DGKB: variants seen among roughly 807,000 people sequenced by gnomAD.
DGKB encodes diacylglycerol kinase beta, also known as 90 kDa diacylglycerol kinase.
In DGKB, 67 loss-of-function variants were observed where a neutral mutation model predicts 114.3. The ratio of observed to expected loss-of-function variants is 0.59; its 90% CI spans 0.48 to 0.72. The LOEUF is 0.72. Among genes scored for constraint, DGKB ranks in the 30% least tolerant of loss-of-function variants. The probability of loss-of-function intolerance (pLI) is 0.00; values close to 1 mark genes in which losing one functional copy is unlikely to be tolerated. For synonymous variants in DGKB, 398 were observed against 323.1 expected (o/e 1.23, Z -2.49); for missense variants, 907 against 975.2 (o/e 0.93, Z 0.93).
intron 21 of DGKB, among the ~76,000 whole-genome samples, chr7:14,373,514 T>A (rs1220333970): frequency 2.0e-5 from 3 of 152,164 alleles, no homozygotes; most frequent in African/African-American, 7.2e-5. Context: ...GTTCAGTAAT[T>A]AAAATGCTAG....
intron 3 of DGKB, among the ~76,000 whole-genome samples, 199 bp from the exon 4 acceptor site, chr7:14,754,147 C>T (rs916089707): frequency 1.3e-5 from 2 of 152,064 alleles, no homozygotes; most frequent in Admixed American, 6.6e-5. Flanking sequence ...AATGCAAATT[C>T]TTGACCCCCA....
At chr7:14,507,905 T>A (rs992594243) in intron 20 of DGKB, among the ~76,000 whole-genome samples, 1 of 152,190 alleles carries the variant, frequency 6.6e-6, no homozygotes, top group Non-Finnish European at 1.5e-5. Flanking sequence ...TTATAGTACA[T>A]ACTTACAGAG....
Position 14,449,708 on chromosome 7 carries a change from A to G in DGKB, c.1835+28453T>C, listed in dbSNP as rs549401752. On this transcript the variant is annotated intron_variant, in intron 21 of 25. Transcript: ENST00000402815. ...TAATTTCTAAATATCTTGCAGAGAT[A>G]TGTAACCTCCTCTCCAACATCTACA... Among the ~76,000 whole-genome samples, 3 of 152,254 alleles carry G rather than the reference A, an allele frequency of 2.0e-5. No individual in the cohort carries two copies. The East Asian group carries it at 5.8e-4, about 29-fold the overall frequency.
At chr7:14,269,597 T>G (rs1317415297) in intron 23 of DGKB, among the ~76,000 whole-genome samples, 1 of 152,188 alleles carries the variant, frequency 6.6e-6, no homozygotes, top group East Asian at 1.9e-4. Context: ...CAAATATATC[T>G]TCTCAGAATG....
At chr7:14,448,549 G>A (rs1400102911) in intron 21 of DGKB, among the ~76,000 whole-genome samples, 1 of 152,020 alleles carries the variant, frequency 6.6e-6, no homozygotes, top group Non-Finnish European at 1.5e-5. Flanking sequence ...TTATGCAACA[G>A]GGAATCCTAA....
rs1190270854 is a variant in DGKB at position 14,770,855 on chromosome 7, G to A, written c.71-13124C>T. ...AGTTGTTAATTTAAATATTAAAAGC[G>A]GATAGAGCCAGTGCTCTTATACAAA... On this transcript the variant is annotated intron_variant, in intron 2 of 25. Coordinates refer to ENST00000402815, the MANE Select transcript of DGKB (RefSeq NM_001350709.2). 6.6e-5 allele frequency among the ~76,000 whole-genome samples: 10 copies of A among 152,150 alleles called. No homozygotes were observed. In the East Asian group the frequency reaches 1.2e-3, roughly 18 times the overall value.
intron 20 of DGKB, among the ~76,000 whole-genome samples, chr7:14,525,508 A>T (rs948428863): frequency 6.6e-6 from 1 of 152,178 alleles, no homozygotes; most frequent in African/African-American, 2.4e-5. Flanking sequence ...CAAGGAAAGA[A>T]TCATTCTGCC....
intron 4 of DGKB, among the ~76,000 whole-genome samples, chr7:14,747,420 A>G (rs1833463579): frequency 6.6e-6 from 1 of 151,744 alleles, no homozygotes; most frequent in African/African-American, 2.4e-5. Flanking sequence ...TGTTTCTTCA[A>G]TGTGTTTCCT....
intron 2 of DGKB, among the ~76,000 whole-genome samples, chr7:14,784,099 G>T (rs1188773885): frequency 6.6e-6 from 1 of 151,958 alleles, no homozygotes; most frequent in African/African-American, 2.4e-5. Context: ...AATGTAAATT[G>T]TGATTCTTGC....
chr7:14,363,205 G>T (rs1405371864), intron 21 of DGKB, among the ~76,000 whole-genome samples: 1 of 152,244 alleles, frequency 6.6e-6, no homozygotes, highest in Non-Finnish European at 1.5e-5. Context: ...GCTGATTAAA[G>T]CCACTAAGTG....
chr7:14,506,135 C>T (rs1399953616), intron 20 of DGKB, among the ~76,000 whole-genome samples: 2 of 152,060 alleles, frequency 1.3e-5, no homozygotes, highest in Non-Finnish European at 2.9e-5. Context: ...CTTCACTAGA[C>T]ACGATGACTA....
chr7:14,908,231 A>G (rs566660337), upstream of DGKB, among the ~76,000 whole-genome samples: 1 of 152,232 alleles, frequency 6.6e-6, no homozygotes, highest in South Asian at 2.1e-4. Context: ...TTTTTTTGAG[A>G]AACTACATAG....
chr7:14,150,895 C>G (rs546440434), intron 25 of DGKB, among the ~76,000 whole-genome samples: 1 of 152,136 alleles, frequency 6.6e-6, no homozygotes, highest in Non-Finnish European at 1.5e-5. Context: ...CCCTACTATG[C>G]TTCAGATACT....
chr7:14,726,496 G>A (rs1490956832), intron 5 of DGKB, among the ~76,000 whole-genome samples: 1 of 152,110 alleles, frequency 6.6e-6, no homozygotes, highest in Non-Finnish European at 1.5e-5. Context: ...ATAAATCAGA[G>A]GAAACTGTCT....
rs559161113 is a variant in DGKB, at chr7:14,464,888, T to G, written c.1835+13273A>C. On this transcript the variant is annotated intron_variant, in intron 21 of 25. Transcript: ENST00000402815. The stretch of plus-strand genomic sequence containing the variant: ...TGTGTACACAAGAACCTCTCAGACT[T>G]TATGTGAGCACATGACACCACCATG... 5.3e-5 allele frequency among the ~76,000 whole-genome samples: 8 copies of G among 152,252 alleles called. No homozygotes were observed. The South Asian group carries it at 1.7e-3, about 32-fold the overall frequency.
chr7:14,747,463 A>G (rs568259161), intron 4 of DGKB, among the ~76,000 whole-genome samples: 1 of 152,142 alleles, frequency 6.6e-6, no homozygotes, highest in Admixed American at 6.5e-5. Flanking sequence ...TCTTGTTAGT[A>G]AAATCTTTTC....
At chr7:14,905,895 G>A (rs1783679882), upstream of DGKB, among the ~76,000 whole-genome samples, 1 of 152,156 alleles carries the variant, frequency 6.6e-6, no homozygotes, top group Non-Finnish European at 1.5e-5. Flanking sequence ...AAATAAGGGT[G>A]TTTGAATTCT....
chr7:14,770,637 T>G (rs987411625), intron 2 of DGKB, among the ~76,000 whole-genome samples: 5 of 152,138 alleles, frequency 3.3e-5, no homozygotes, highest in Non-Finnish European at 7.4e-5. Flanking sequence ...TAGGGAATTC[T>G]AGAACATCCC....
At chr7:14,620,735 C>T (rs1002857251) in intron 15 of DGKB, among the ~76,000 whole-genome samples, 2 of 151,530 alleles carry the variant, frequency 1.3e-5, no homozygotes, top group Admixed American at 6.6e-5. Flanking sequence ...ATACATTCAC[C>T]CCATACAATG....
Sources: allele counts gnomAD v4.1 joint callset (sites outside exome capture counted in the v4.1 genomes callset), GRCh38; gene constraint gnomAD v4.1.1; transcripts MANE v1.5; gene names NCBI Gene and HGNC (gene_info 2026-07-23, HGNC 2026-07-21).